LANCL1: variants seen among roughly 807,000 people sequenced by gnomAD.
The protein encoded by LANCL1 is glutathione S-transferase LANCL1.
In LANCL1, 50 loss-of-function variants were observed where a neutral mutation model predicts 50.6. The ratio of observed to expected loss-of-function variants is 0.99; its 90% confidence interval spans 0.79 to 1.25. The LOEUF (loss-of-function observed/expected upper bound fraction) is 1.25. Among genes scored for constraint, LANCL1 ranks in the 50% most tolerant of loss-of-function variants. The probability of loss-of-function intolerance (pLI) is 0.00; values close to 1 mark genes in which losing one functional copy is unlikely to be tolerated. For missense variants in LANCL1, 532 were observed against 480.7 expected (o/e 1.11, Z -1.00); for synonymous variants, 188 against 178.6 (o/e 1.05, Z -0.42).
rs1692820510 is a variant in LANCL1, at chr2:210,433,601, AAGTC to A, written c.*882_*885del. ...GTAAAAACCCAAGTTAAAGTTTAGAAAGTCAGTCAGAGTGGACTGAAATCCTAGG... is the reference window on the plus strand; with the variant it reads ...GTAAAAACCCAAGTTAAAGTTTAGAAAGTCAGAGTGGACTGAAATCCTAGG... On this transcript the variant is annotated 3_prime_UTR_variant, in exon 10 of 10. Coordinates refer to ENST00000450366, the MANE Select transcript of LANCL1 (RefSeq NM_006055.3). 1 of 152,180 alleles carries A rather than the reference AAGTC, an allele frequency of 6.6e-6. No individual in the cohort carries two copies. The highest frequency in any genetic ancestry group is 6.5e-5 in the Admixed American group (1 of 15,282). 9.4% of individuals were successfully genotyped at this position (152,180 alleles called of 1,614,324 possible). A position where few individuals can be genotyped will look rare whatever the true frequency, so the allele number is the denominator to read the frequency against.
Position 210,437,718 on chromosome 2 carries a change from AC to A in LANCL1, c.844del (p.Val282Ter). ...ATAGGCCTGGATGAGCATGTAGATT[AC>A]CCCAGGGGCGCCATGGCACCAATGG... The part of the protein sequence containing the change: ...LVHWCHGAPG[V>X]IYMLIQAYKV... On this transcript the variant is annotated frameshift_variant, in exon 7 of 10. Transcript: ENST00000450366. LOFTEE classifies it high-confidence loss of function. The A allele has an allele frequency of 1.9e-6, 3 of 1,607,352 alleles. No homozygotes were observed. The highest frequency in any genetic ancestry group is 2.5e-6 in the Non-Finnish European group (3 of 1,177,138).
chr2:210,435,813 A>ATCCAAGAC (rs1054387076), intron 8 of LANCL1, among the ~76,000 whole-genome samples: 2 of 151,242 alleles, frequency 1.3e-5, no homozygotes, highest in African/African-American at 4.9e-5. Flanking sequence ...TGTATTTGTT[A>ATCCAAGAC]TCCAAGACCT....
intron 4 of LANCL1, chr2:210,442,793 C>T (rs1693184863): frequency 6.6e-6 from 1 of 152,216 alleles, no homozygotes; most frequent in Non-Finnish European, 1.5e-5. Context: ...TATAGAGACC[C>T]AGAAGAAGCC....
intron 4 of LANCL1, among the ~76,000 whole-genome samples, chr2:210,449,655 G>T (rs1693451552): frequency 6.6e-6 from 1 of 152,108 alleles, no homozygotes; most frequent in Admixed American, 6.6e-5. Flanking sequence ...AAAGTCTCAG[G>T]ATACAAAATC....
chr2:210,469,518 C>T (rs77497392), intron 3 of LANCL1, among the ~76,000 whole-genome samples: 5 of 152,122 alleles, frequency 3.3e-5, no homozygotes, highest in Non-Finnish European at 5.9e-5. Context: ...GAAGATTTTA[C>T]GTTACATCTT....
chr2:210,434,626 T>C (rs1028141220), intron 9 of LANCL1, 63 bp from the exon 10 acceptor site: 6 of 1,294,970 alleles, frequency 4.6e-6, no homozygotes, highest in Non-Finnish European at 6.7e-6. Context: ...AGGATGGTTC[T>C]TTTTCCCCCA....
chr2:210,437,746 C>T lies in LANCL1; in HGVS notation c.817G>A (p.Val273Ile). The T allele has an allele frequency of 1.9e-6, 3 of 1,612,080 alleles. No individual in the cohort carries two copies. Among genetic ancestry groups the T allele is most frequent in the Non-Finnish European group, 2.5e-6 (3 of 1,179,108 alleles). ...CCAGGGGCGCCATGGCACCAATGGA[C>T]AAGCAGATCTCGATTATCACCTATA... ...PCIGDNRDLL[V>I]HWCHGAPGVI... The change falls in exon 7 of 10, where the codon GTC (valine) becomes ATC (isoleucine). Residue 273 changes from valine to isoleucine, a missense_variant. By Grantham distance (29) the Val-to-Ile change is conservative (BLOSUM62 3). Transcript: ENST00000450366.
chr2:210,448,063 C>T (rs1318311905), intron 4 of LANCL1, among the ~76,000 whole-genome samples: 2 of 152,204 alleles, frequency 1.3e-5, no homozygotes, highest in Admixed American at 6.5e-5. Context: ...TTCTTCTCAG[C>T]ACCACATCAC....
chr2:210,466,460 T>C (rs932523663), intron 3 of LANCL1, among the ~76,000 whole-genome samples: 9 of 152,142 alleles, frequency 5.9e-5, no homozygotes, highest in Non-Finnish European at 8.8e-5. Flanking sequence ...CTGCCCCTAG[T>C]ATAAGAACAA....
chr2:210,477,256 A>G (rs1694416346), upstream of LANCL1, among the ~76,000 whole-genome samples: 1 of 152,186 alleles, frequency 6.6e-6, no homozygotes, highest in Non-Finnish European at 1.5e-5. Context: ...TGGGGAAAGC[A>G]CATGAAAACA....
At chr2:210,456,881 G>A (rs1269151691) in intron 3 of LANCL1, among the ~76,000 whole-genome samples, 1 of 152,106 alleles carries the variant, frequency 6.6e-6, no homozygotes, top group Non-Finnish European at 1.5e-5. Flanking sequence ...ATTCCTCTTG[G>A]CTTAACTATT....
At chr2:210,460,561 T>C (rs1483183252) in intron 3 of LANCL1, 1 of 152,242 alleles carries the variant, frequency 6.6e-6, no homozygotes, top group Admixed American at 6.5e-5. Flanking sequence ...ATTTCTAACA[T>C]GTTCCTTTGT....
In LANCL1 at chr2:210,436,245, C is replaced by G. The variant is rs1692927359; in HGVS notation, c.1021G>C (p.Asp341His). 3.1e-6 allele frequency: 5 copies of G among 1,613,762 alleles called. No individual in the cohort carries two copies. Among genetic ancestry groups the G allele is most frequent in the Non-Finnish European group, 4.2e-6 (5 of 1,179,944 alleles). ...AFLTLYNLTQ[D>H]MKYLYRACKF... The stretch of plus-strand genomic sequence containing the variant: ...CAGGCCCTATACAGGTACTTCATGT[C>G]CTGTGTGAGGTTGTAGAGTGTCAGG... The change falls in exon 8 of 10, where the codon GAC (aspartate) becomes CAC (histidine). Residue 341 changes from aspartate (D) to histidine (H), a missense_variant. Coordinates refer to ENST00000450366, the MANE Select transcript of LANCL1 (RefSeq NM_006055.3).
At chr2:210,437,475 C>G (rs1559705520) in intron 7 of LANCL1, among the ~76,000 whole-genome samples, 3 of 152,082 alleles carry the variant, frequency 2.0e-5, no homozygotes, top group African/African-American at 7.2e-5. Context: ...AACAATATCT[C>G]ATTGCAACCT....
intron 3 of LANCL1, among the ~76,000 whole-genome samples, chr2:210,462,326 G>A (rs3856340): frequency 1.3e-5 from 2 of 152,034 alleles, no homozygotes; most frequent in Admixed American, 6.5e-5. Flanking sequence ...ACATAATTCC[G>A]GTAAGTCTAC....
At chr2:210,469,212 G>A (rs1201030366) in intron 3 of LANCL1, 1 of 152,176 alleles carries the variant, frequency 6.6e-6, no homozygotes, top group Non-Finnish European at 1.5e-5. Context: ...ATTTGTGAAT[G>A]CATTTCTTGG....
At chr2:210,464,920 T>G (rs1161259831) in intron 3 of LANCL1, among the ~76,000 whole-genome samples, 1 of 144,634 alleles carries the variant, frequency 6.9e-6, no homozygotes, top group East Asian at 2.0e-4. Flanking sequence ...GAGCCGAGAT[T>G]GCGCCACTGC....
chr2:210,447,364 A>G (rs1277870074), intron 4 of LANCL1, among the ~76,000 whole-genome samples: 2 of 152,188 alleles, frequency 1.3e-5, no homozygotes, highest in East Asian at 1.9e-4. Flanking sequence ...AGCACTCAAC[A>G]TGGAAAGGAA....
chr2:210,462,308 C>A (rs1316693204), intron 3 of LANCL1, among the ~76,000 whole-genome samples: 1 of 152,202 alleles, frequency 6.6e-6, no homozygotes, highest in African/African-American at 2.4e-5. Context: ...GCTACACAAG[C>A]CATGAGCACA....
Sources: allele counts gnomAD v4.1 joint callset (sites outside exome capture counted in the v4.1 genomes callset), GRCh38; gene constraint gnomAD v4.1.1; transcripts MANE v1.5; gene names NCBI Gene and HGNC (gene_info 2026-07-23, HGNC 2026-07-21).